Variants in AVPR2 observed in about 807,000 individuals in gnomAD.
AVPR2 encodes the protein arginine vasopressin receptor 2.
In AVPR2, 3 loss-of-function variants were observed where a neutral mutation model predicts 12.0. The ratio of observed to expected loss-of-function variants is 0.25; its 90% confidence interval spans 0.11 to 0.64. AVPR2 has a LOEUF of 0.64. Among genes scored for constraint, AVPR2 ranks in the 30% least tolerant of loss-of-function variants. The pLI, the probability that AVPR2 is intolerant of heterozygous loss-of-function variation, is 0.84. For missense variants in AVPR2, 279 were observed against 347.9 expected (o/e 0.80, Z 1.58); for synonymous variants, 143 against 147.5 (o/e 0.97, Z 0.22).
At position 153,906,152 on chromosome X, in the gene AVPR2, G is replaced by A. The variant is rs1557100793; in HGVS notation, c.646G>A (p.Ala216Thr). 1 of 1,212,366 alleles carries A rather than the reference G, an allele frequency of 8.2e-7. No homozygotes were observed. The highest frequency in any genetic ancestry group is 1.8e-5 in the South Asian group (1 of 57,041). ...CTGGATTGCCCTGATGGTGTTCGTG[G>A]CACCTACCCTGGGTATCGCCGCCTG... ...VTWIALMVFV[A>T]PTLGIAACQV... The change falls in exon 3 of 4, where the codon GCA (alanine) becomes ACA (threonine). Residue 216 changes from alanine to threonine, a missense_variant. Physicochemically the swap from Ala to Thr is moderately conservative, Grantham distance 58 (BLOSUM62 0). Transcript: ENST00000646375.
chrX:153,906,452 T>C, intron 3 of AVPR2, 36 bp downstream of exon 3: 7 of 1,202,431 alleles, frequency 5.8e-6, no homozygotes, highest in East Asian at 3.0e-5. Context: ...ACGGGGCCAC[T>C]TGGGCTTGGC....
At position 153,905,674 on chromosome X, in the gene AVPR2, C is replaced by T; in HGVS notation, c.168C>T (p.Gly56=). The T allele has an allele frequency of 2.5e-6, 3 of 1,211,632 alleles. No homozygotes were observed. The highest frequency in any genetic ancestry group is 3.4e-6 in the Non-Finnish European group (3 of 895,386). The change falls in exon 3 of 4, where the codon GGC becomes GGT. Residue 56 remains glycine (G), a synonymous_variant. Coordinates refer to ENST00000646375, the MANE Select transcript of AVPR2 (RefSeq NM_000054.7). ...TTGTGGCTGTGGCCCTGAGCAATGGCCTGGTGCTGGCGGCCCTAGCTCGGC... is the reference window on the plus strand; with the variant it reads ...TTGTGGCTGTGGCCCTGAGCAATGGTCTGGTGCTGGCGGCCCTAGCTCGGC... ...IVFVAVALSN[G]LVLAALARRG...
chrX:153,902,880 C>T (rs782320315), upstream of AVPR2: 2 of 291,032 alleles, frequency 6.9e-6, no homozygotes, highest in South Asian at 3.1e-5. Context: ...TGGTTGTCTG[C>T]TCACCCCAAA....
upstream of AVPR2, among the ~76,000 whole-genome samples, chrX:153,904,261 G>A (rs782528887): frequency 5.3e-5 from 6 of 112,646 alleles, no homozygotes; most frequent in Admixed American, 5.6e-4. Context: ...CCTAACTGGG[G>A]AGGAGGAGGG....
intron 1 of AVPR2, 40 bp downstream of exon 1, chrX:153,904,811 AG>A (rs1321313466): frequency 2.6e-6 from 1 of 382,658 alleles, no homozygotes; most frequent in East Asian, 4.6e-5. Context: ...CCCAGTCCCC[AG>A]CCCTCGGATG....
At chrX:153,904,080 A>G (rs1557099969), upstream of AVPR2, among the ~76,000 whole-genome samples, 2 of 111,936 alleles carry the variant, frequency 1.8e-5, no homozygotes, top group African/African-American at 6.5e-5. Flanking sequence ...GGTGGGAGGG[A>G]GCCCGTGAGC....
At chrX:153,902,800 G>A (rs782372583), upstream of AVPR2, 3 of 325,751 alleles carry the variant, frequency 9.2e-6, no homozygotes, top group African/African-American at 7.9e-5. Context: ...CATTGCTAGG[G>A]GAGGTCCCAA....
rs2064956288 is a variant in AVPR2, at chrX:153,905,513, C to T, written c.26-19C>T. Reference sequence around the variant, plus strand: ...ACAGCACCCTCTCTAACCAGGCCCTCTTCCCGACTCCTTCCCAGCTGTGCC... The same window carrying T: ...ACAGCACCCTCTCTAACCAGGCCCTTTTCCCGACTCCTTCCCAGCTGTGCC... On this transcript the variant is annotated intron_variant, in intron 2 of 3. Coordinates refer to ENST00000646375, the MANE Select transcript of AVPR2 (RefSeq NM_000054.7). 8.5e-7 allele frequency: 1 copy of T among 1,171,533 alleles called. No individual in the cohort carries two copies. The highest frequency in any genetic ancestry group is 1.1e-6 in the Non-Finnish European group (1 of 874,223).
chrX:153,905,027 G>A lies in AVPR2; in HGVS notation c.-119G>A, dbSNP rs782548398. On this transcript the variant is annotated 5_prime_UTR_variant, in exon 2 of 4. It removes an upstream start codon present in the reference 5' UTR. Transcript: ENST00000646375. ...ACACACGCCAACAGGCATCTGCCAT[G>A]CTGGCATCTCTATAAGGGCTCCAGT... 9.6e-7 allele frequency: 1 copy of A among 1,037,367 alleles called. No homozygotes were observed. Among genetic ancestry groups the A allele is most frequent in the Non-Finnish European group, 1.4e-6 (1 of 737,315 alleles). 85.5% of individuals were successfully genotyped at this position (1,037,367 alleles called of 1,213,427 possible).
rs1429659052 is a variant in AVPR2 at position 153,906,914 on chromosome X, T to C, written c.*186T>C. 1.9e-5 allele frequency: 10 copies of C among 530,719 alleles called. No homozygotes were observed. Among genetic ancestry groups the C allele is most frequent in the Non-Finnish European group, 2.9e-5 (9 of 306,314 alleles). The allele number at this position is 530,719 out of a possible 1,213,427, so 43.7% of individuals were successfully genotyped here. On this transcript the variant is annotated 3_prime_UTR_variant, in exon 4 of 4. Coordinates refer to ENST00000646375, the MANE Select transcript of AVPR2 (RefSeq NM_000054.7). ...GCCTGGGTCTCCACATCCCCAGCTG[T>C]ATGAGGAGAGCTTCAGGCCCCAGGA...
rs963081717 is a variant in AVPR2, at chrX:153,905,697, G to A, written c.191G>A (p.Arg64Gln). 5 of 1,206,661 alleles carry A rather than the reference G, an allele frequency of 4.1e-6. No homozygotes were observed. The highest frequency in any genetic ancestry group is 4.4e-5 in the Admixed American group (2 of 45,812). Residue 64 changes from arginine to glutamine, a missense_variant, in exon 3 of 4, where the codon CGG (arginine) becomes CAG (glutamine). Arg to Gln is a conservative substitution (Grantham distance 43). Transcript: ENST00000646375. ...GGCCTGGTGCTGGCGGCCCTAGCTC[G>A]GCGGGGCCGGCGGGGCCACTGGGCA... ...SNGLVLAALA[R>Q]RGRRGHWAPI...
rs1557100896 is a variant in AVPR2, at chrX:153,906,325, G to A, written c.819G>A (p.Thr273=). The A allele has an allele frequency of 4.9e-6, 6 of 1,212,142 alleles. No homozygotes were observed. In the East Asian group the frequency reaches 8.9e-5, roughly 18 times the overall value. ...SAAVAKTVRM[T]LVIVVVYVLC... ...CTGTGGCCAAGACTGTGAGGATGACGCTAGTGATTGTGGTCGTCTATGTGC... is the reference window on the plus strand; with the variant it reads ...CTGTGGCCAAGACTGTGAGGATGACACTAGTGATTGTGGTCGTCTATGTGC... Residue 273 remains threonine (T), a synonymous_variant, in exon 3 of 4, where the codon ACG becomes ACA. Transcript: ENST00000646375.
rs1424533567 is a variant in AVPR2 at position 153,905,525 on chromosome X, T to C, written c.26-7T>C. On this transcript the variant is annotated splice_region_variant and splice_polypyrimidine_tract_variant and intron_variant, in intron 2 of 3. Coordinates refer to ENST00000646375, the MANE Select transcript of AVPR2 (RefSeq NM_000054.7). Reference sequence around the variant, plus strand: ...CTAACCAGGCCCTCTTCCCGACTCCTTCCCAGCTGTGCCTGGGCATCCCTC... The same window carrying C: ...CTAACCAGGCCCTCTTCCCGACTCCCTCCCAGCTGTGCCTGGGCATCCCTC... 2 of 1,180,799 alleles carry C rather than the reference T, an allele frequency of 1.7e-6. No individual in the cohort carries two copies. Among genetic ancestry groups the C allele is most frequent in the South Asian group, 3.7e-5 (2 of 53,992 alleles).
Position 153,905,643 on chromosome X carries a change from T to C in AVPR2, c.137T>C (p.Ile46Thr), listed in dbSNP as rs104894759. Residue 46 changes from isoleucine (I) to threonine (T), a missense_variant, in exon 3 of 4, where the codon ATA (isoleucine) becomes ACA (threonine). Transcript: ENST00000646375. Reference sequence around the variant, plus strand: ...CGGGCGGAGCTGGCGCTGCTCTCCATAGTCTTTGTGGCTGTGGCCCTGAGC... The same window carrying C: ...CGGGCGGAGCTGGCGCTGCTCTCCACAGTCTTTGTGGCTGTGGCCCTGAGC... ...LARAELALLS[I>T]VFVAVALSNG... The C allele has an allele frequency of 1.5e-5, 18 of 1,211,470 alleles. No individual in the cohort carries two copies. Among genetic ancestry groups the C allele is most frequent in the Middle Eastern group, 4.6e-4 (2 of 4,318 alleles).
At chrX:153,904,425 C>A (rs978597214), upstream of AVPR2, among the ~76,000 whole-genome samples, 1 of 112,710 alleles carries the variant, frequency 8.9e-6, no homozygotes, top group South Asian at 3.6e-4. Context: ...CGCTCTCTGG[C>A]CTCAGTTTCC....
Position 153,905,721 on chromosome X carries a change from C to T in AVPR2, c.215C>T (p.Ala72Val), listed in dbSNP as rs1344096618. The T allele has an allele frequency of 5.8e-6, 7 of 1,209,392 alleles. No individual in the cohort carries two copies. Among genetic ancestry groups the T allele is most frequent in the Non-Finnish European group, 7.8e-6 (7 of 895,201 alleles). ...LARRGRRGHW[A>V]PIHVFIGHLC... is the part of the protein sequence containing the mutation. ...CGGCGGGGCCGGCGGGGCCACTGGG[C>T]ACCCATACACGTCTTCATTGGCCAC... The change falls in exon 3 of 4, where the codon GCA (alanine) becomes GTA (valine). Residue 72 changes from alanine (A) to valine (V), a missense_variant. By Grantham distance (64) the Ala-to-Val change is moderately conservative (BLOSUM62 0). Coordinates refer to ENST00000646375, the MANE Select transcript of AVPR2 (RefSeq NM_000054.7).
At chrX:153,902,953 G>A (rs3761529), upstream of AVPR2, 96,996 of 251,713 alleles carry the variant, frequency 0.39, 13,922 homozygotes, top group East Asian at 0.72. Context: ...CTTTCCCAAG[G>A]CCCTGCCAGT....
rs782247560 is a variant in AVPR2 at position 153,905,046 on chromosome X, C to T, written c.-100C>T. ...TGCCATGCTGGCATCTCTATAAGGG[C>T]TCCAGTCCAGAGACCCTGGGCCATT... On this transcript the variant is annotated 5_prime_UTR_variant, in exon 2 of 4. Transcript: ENST00000646375. 3.1e-5 allele frequency: 35 copies of T among 1,129,175 alleles called. 1 individual carries two copies. In the Admixed American group the frequency reaches 7.4e-4, roughly 24 times the overall value. The allele number at this position is 1,129,175 out of a possible 1,213,427, so 93.1% of individuals were successfully genotyped here. A position where few individuals can be genotyped will look rare whatever the true frequency, so the allele number is the denominator to read the frequency against.
chrX:153,903,411 G>A (rs1403179825), upstream of AVPR2, among the ~76,000 whole-genome samples: 1 of 112,745 alleles, frequency 8.9e-6, no homozygotes, highest in Non-Finnish European at 1.9e-5. Flanking sequence ...GGTGTTGGCT[G>A]TGCGTATGTG....
Sources: gnomAD v4.1 joint callset for allele counts (sites outside exome capture counted in the v4.1 genomes callset) on GRCh38, gnomAD v4.1.1 for gene constraint, MANE v1.5 for transcripts, NCBI Gene and HGNC (gene_info 2026-07-23, HGNC 2026-07-21) for gene names.